SCYL2: variants seen among roughly 807,000 people sequenced by gnomAD.
SCYL2 encodes SCY1 like pseudokinase 2.
In SCYL2, 36 loss-of-function variants were observed where a neutral mutation model predicts 100.4. That is an observed-to-expected ratio of 0.36 (90% CI 0.27 to 0.47). The LOEUF (loss-of-function observed/expected upper bound fraction) is 0.47. Ranked by LOEUF, SCYL2 falls within the 20% of genes least tolerant of loss-of-function variation. SCYL2 has a pLI of 1.00. For synonymous variants in SCYL2, 330 were observed against 359.2 expected, an observed-to-expected ratio of 0.92 and a Z score of 0.92; for missense variants, 902 against 1,083.9, an observed-to-expected ratio of 0.83 and a Z score of 2.36.
In SCYL2 at chr12:100,339,935, G is replaced by T. The variant is rs1222725489; in HGVS notation, c.*763G>T. On this transcript the variant is annotated 3_prime_UTR_variant, in exon 18 of 18. Transcript: ENST00000360820. ...TCAAGGAAGAGGTATGTGCTGATTT[G>T]TTTGGATATTTGACAAGGCACTCTG... 6.6e-6 allele frequency: 1 copy of T among 152,438 alleles called. No individual in the cohort carries two copies. The highest frequency in any genetic ancestry group is 1.5e-5 in the Non-Finnish European group (1 of 67,976). The allele number at this position is 152,438 out of a possible 1,614,324, so 9.4% of individuals were successfully genotyped here.
chr12:100,298,175 G>A lies in SCYL2; in HGVS notation c.480G>A (p.Gln160=). ...TAGAAACCAAATATGGTTTGCTTCA[G>A]GTATGTATTTTTATTCATCATGTAA... ...YDVETKYGLL[Q]VSEGLSFLHS... Residue 160 remains glutamine, a splice_region_variant and synonymous_variant, in exon 4 of 18, where the codon CAG becomes CAA. Transcript: ENST00000360820. 1 of 1,534,538 alleles carries A rather than the reference G, an allele frequency of 6.5e-7. No individual in the cohort carries two copies.
rs1480965498 is a variant in SCYL2, at chr12:100,291,569, A to G, written c.244A>G (p.Ile82Val). ...GTATCAAAAATTTGAAAAGGATCAAATCATTGATTCTCTAAAACGAGGAGT... is the reference window on the plus strand; with the variant it reads ...GTATCAAAAATTTGAAAAGGATCAAGTCATTGATTCTCTAAAACGAGGAGT... The part of the protein sequence containing the change: ...DKYQKFEKDQ[I>V]IDSLKRGVQQ... The change falls in exon 3 of 18, where the codon ATC (isoleucine) becomes GTC (valine). Residue 82 changes from isoleucine to valine, a missense_variant. By Grantham distance (29) the Ile-to-Val change is conservative. Transcript: ENST00000360820. 1.9e-6 allele frequency: 3 copies of G among 1,598,336 alleles called. No individual in the cohort carries two copies. The South Asian group carries it at 3.5e-5, about 19-fold the overall frequency.
intron 1 of SCYL2, among the ~76,000 whole-genome samples, chr12:100,268,405 T>C (rs2096282469): frequency 6.6e-6 from 1 of 152,232 alleles, no homozygotes; most frequent in Admixed American, 6.5e-5. Context: ...AGGTTTGTTG[T>C]TGTTTGGTTT....
chr12:100,289,873 C>T (rs1481990064), intron 2 of SCYL2, among the ~76,000 whole-genome samples: 1 of 152,098 alleles, frequency 6.6e-6, no homozygotes, highest in African/African-American at 2.4e-5. Flanking sequence ...ATTAATGTTC[C>T]TTATCAAGTT....
At position 100,311,166 on chromosome 12, in the gene SCYL2, A is replaced by G. The variant is rs1566360754; in HGVS notation, c.603A>G (p.Val201=). The G allele has an allele frequency of 2.5e-6, 4 of 1,603,770 alleles. No individual in the cohort carries two copies. Among genetic ancestry groups the G allele is most frequent in the Non-Finnish European group, 1.7e-6 (2 of 1,177,234 alleles). ...AWKIMGFDFC[V]SSTNPSEQEP... is the part of the protein sequence containing the mutation. Reference sequence around the variant, plus strand: ...AAATAATGGGTTTTGATTTTTGTGTATCATCAACCAATCCTTCTGAACAAG... The same window carrying G: ...AAATAATGGGTTTTGATTTTTGTGTGTCATCAACCAATCCTTCTGAACAAG... The change falls in exon 5 of 18, where the codon GTA becomes GTG. Residue 201 remains valine, a synonymous_variant. Transcript: ENST00000360820.
At chr12:100,274,464 A>G (rs1290865796) in intron 1 of SCYL2, among the ~76,000 whole-genome samples, 3 of 152,234 alleles carry the variant, frequency 2.0e-5, no homozygotes, top group East Asian at 1.9e-4. Flanking sequence ...TCTTAACTGT[A>G]GTTCTGTGGT....
At chr12:100,276,323 TTTTC>T (rs1019549225) in intron 1 of SCYL2, among the ~76,000 whole-genome samples, 1 of 152,122 alleles carries the variant, frequency 6.6e-6, no homozygotes, top group Non-Finnish European at 1.5e-5. Flanking sequence ...AAAATTTTTA[TTTTC>T]TTTCTTTTTA....
chr12:100,298,110 C>T lies in SCYL2; in HGVS notation c.415C>T (p.Pro139Ser). 1 of 1,607,406 alleles carries T rather than the reference C, an allele frequency of 6.2e-7. No individual in the cohort carries two copies. Among genetic ancestry groups the T allele is most frequent in the Non-Finnish European group, 8.5e-7 (1 of 1,175,376 alleles). Reference protein sequence around the residue: ...VLGNWENLPSPISPDIKDYKL... With the variant: ...VLGNWENLPSSISPDIKDYKL... ...TGGTAACTGGGAAAATCTACCTTCC[C>T]CTATATCTCCAGACATTAAGGATTA... The change falls in exon 4 of 18, where the codon CCT (proline) becomes TCT (serine). Residue 139 changes from proline to serine, a missense_variant. Physicochemically the swap from Pro to Ser is moderately conservative, Grantham distance 74. Coordinates refer to ENST00000360820, the MANE Select transcript of SCYL2 (RefSeq NM_017988.6).
chr12:100,326,541 GA>G, intron 11 of SCYL2, 80 bp from the exon 12 acceptor site: 1 of 951,194 alleles, frequency 1.1e-6, no homozygotes, highest in Non-Finnish European at 1.5e-6. Context: ...ATATTTATAT[GA>G]AGATTAAGTT....
intron 8 of SCYL2, among the ~76,000 whole-genome samples, chr12:100,315,120 C>G (rs1374486083): frequency 1.3e-5 from 2 of 152,152 alleles, no homozygotes; most frequent in Admixed American, 1.3e-4. Flanking sequence ...TGACTCTTTA[C>G]TTAGATGCTA....
At position 100,294,199 on chromosome 12, in the gene SCYL2, G is replaced by GC. The variant is rs1410345291; in HGVS notation, c.335+2540dup. Reference sequence around the variant, plus strand: ...CCTCCCGGAAGGGGTGGCTGGCCAGGCGGGGGGGTGACCCCCCCACCTCCC... The same window carrying GC: ...CCTCCCGGAAGGGGTGGCTGGCCAGGCCGGGGGGGTGACCCCCCCACCTCCC... On this transcript the variant is annotated intron_variant, in intron 3 of 17. Transcript: ENST00000360820. Among the ~76,000 whole-genome samples, 213 of 145,718 alleles carry GC rather than the reference G, an allele frequency of 1.5e-3. 1 individual carries two copies. Among genetic ancestry groups the GC allele is most frequent in the Admixed American group, 4.4e-3 (66 of 14,884 alleles).
rs767792274 is a variant in SCYL2, at chr12:100,314,585, C to G, written c.1066C>G (p.Leu356Val). ...TCAGAAATCACAGTTTTTCAAAGGA[C>G]TGCCAAAGGTTCTACCAAAACTGCC... ...NLQKSQFFKG[L>V]PKVLPKLPKR... The change falls in exon 8 of 18, where the codon CTG becomes GTG. Residue 356 changes from leucine (L) to valine (V), a missense_variant. Physicochemically the swap from Leu to Val is conservative, Grantham distance 32 (BLOSUM62 1). Coordinates refer to ENST00000360820, the MANE Select transcript of SCYL2 (RefSeq NM_017988.6). 2 of 1,601,162 alleles carry G rather than the reference C, an allele frequency of 1.2e-6. No individual in the cohort carries two copies. The highest frequency in any genetic ancestry group is 1.4e-5 in the African/African-American group (1 of 74,038).
At chr12:100,333,579 A>T (rs1952237961) in intron 13 of SCYL2, 1 of 152,318 alleles carries the variant, frequency 6.6e-6, no homozygotes, top group Non-Finnish European at 1.5e-5. Context: ...TACCATAGGG[A>T]TGAATGATCA....
intron 1 of SCYL2, among the ~76,000 whole-genome samples, chr12:100,270,180 G>A (rs564039050): frequency 8.9e-4 from 136 of 152,074 alleles, no homozygotes; most frequent in African/African-American, 2.9e-3. Context: ...TAGAGACGGC[G>A]TTTCACCGTG....
At chr12:100,313,283 C>T in intron 6 of SCYL2, 139 bp from the exon 7 acceptor site, 1 of 426,372 alleles carries the variant, frequency 2.3e-6, no homozygotes, top group Non-Finnish European at 4.1e-6. Context: ...TGTTTTGCAA[C>T]AATAGAATTA....
intron 1 of SCYL2, among the ~76,000 whole-genome samples, chr12:100,271,229 C>T (rs1274920402): frequency 7.4e-6 from 1 of 135,760 alleles, no homozygotes; most frequent in African/African-American, 2.9e-5. Flanking sequence ...CAACTCTGGC[C>T]TTAAAGTTAG....
chr12:100,329,122 C>G (rs549662256), intron 12 of SCYL2, 79 bp from the exon 13 acceptor site: 1 of 714,394 alleles, frequency 1.4e-6, no homozygotes, highest in East Asian at 2.7e-5. Flanking sequence ...CAAGGGATTT[C>G]GTATACATAT....
chr12:100,277,430 G>A (rs559014052), intron 1 of SCYL2, among the ~76,000 whole-genome samples: 6 of 152,042 alleles, frequency 3.9e-5, no homozygotes, highest in East Asian at 3.8e-4. Context: ...CATTTATTTC[G>A]AAGTTCTCTT....
At chr12:100,290,002 T>TA (rs1157291331) in intron 2 of SCYL2, among the ~76,000 whole-genome samples, 1 of 152,216 alleles carries the variant, frequency 6.6e-6, no homozygotes, top group African/African-American at 2.4e-5. Context: ...AACTCATCAG[T>TA]AATAGAAAAA....
Sources: gnomAD v4.1 joint callset for allele counts (sites outside exome capture counted in the v4.1 genomes callset) on GRCh38, gnomAD v4.1.1 for gene constraint, MANE v1.5 for transcripts, NCBI Gene and HGNC (gene_info 2026-07-23, HGNC 2026-07-21) for gene names.